The following EPN1 variants were observed in gnomAD, a reference collection of about 807,000 sequenced individuals.
The protein encoded by EPN1 is epsin-1.
Under a neutral mutation model 56.9 loss-of-function variants are expected in EPN1, and 25 were observed. The ratio of observed to expected loss-of-function variants is 0.44; its 90% CI spans 0.32 to 0.61. EPN1 has a LOEUF of 0.61. EPN1 is among the 20% of genes least tolerant of loss of function. The pLI is 0.05. For synonymous variants in EPN1, 411 were observed against 361.8 expected, an observed-to-expected ratio of 1.14 and a Z score of -1.54; for missense variants, 785 against 823.7, an observed-to-expected ratio of 0.95 and a Z score of 0.58.
intron 2 of EPN1, among the ~76,000 whole-genome samples, chr19:55,684,423 A>G (rs1986028455): frequency 6.6e-6 from 1 of 152,118 alleles, no homozygotes. Context: ...CCAGGACTTG[A>G]GCCTGAGCTA....
rs1986837962 is a variant in EPN1 at position 55,695,145 on chromosome 19, C to T, written c.1523-3C>T. ...CCGTGTCTCTGGTTTACTCTTCCTG[C>T]AGGAGGCCCAGCCACTGGCCCTTCC... On this transcript the variant is annotated splice_polypyrimidine_tract_variant and splice_region_variant and intron_variant, in intron 10 of 10. Transcript: ENST00000270460. The surrounding 1 kb of genome is among the most constrained non-coding windows in gnomAD (Gnocchi z 4.4). 1 of 1,613,730 alleles carries T rather than the reference C, an allele frequency of 6.2e-7. No individual in the cohort carries two copies. Among genetic ancestry groups the T allele is most frequent in the Non-Finnish European group, 8.5e-7 (1 of 1,179,790 alleles).
At chr19:55,688,792 CCCGTCTGTCTAGG>C in intron 3 of EPN1, 65 bp from the exon 4 acceptor site, 1 of 1,539,194 alleles carries the variant, frequency 6.5e-7, no homozygotes, top group Non-Finnish European at 8.7e-7. Flanking sequence ...CACAGAAGCC[CCCGTCTGTCTAGG>C]CTATGGGGTT....
At position 55,695,078 on chromosome 19, in the gene EPN1, C is replaced by T; in HGVS notation, c.1523-70C>T. The T allele has an allele frequency of 6.2e-7, 1 of 1,607,522 alleles. No homozygotes were observed. ...AGGGACACTTCGCCCTTTGCCTGCA[C>T]ATGCTGGATGGACACAGGTGGGCTG... On this transcript the variant is annotated intron_variant, in intron 10 of 10. Coordinates refer to ENST00000270460, the MANE Select transcript of EPN1 (RefSeq NM_001130072.2). The surrounding 1 kb of genome is among the most constrained non-coding windows in gnomAD (Gnocchi z 4.4).
At position 55,691,690 on chromosome 19, in the gene EPN1, C is replaced by G. The variant is rs951360716; in HGVS notation, c.763-64C>G. 1.3e-6 allele frequency: 2 copies of G among 1,506,512 alleles called. No individual in the cohort carries two copies. Among genetic ancestry groups the G allele is most frequent in the Admixed American group, 3.6e-5 (2 of 56,126 alleles). The allele number at this position is 1,506,512 out of a possible 1,614,324, so 93.3% of individuals were successfully genotyped here. ...CCGCCTCCCCCGCCACGGGCCCCAGCTTGGTCCCTGTCCCAGGCTTCCCAC... is the reference window on the plus strand; with the variant it reads ...CCGCCTCCCCCGCCACGGGCCCCAGGTTGGTCCCTGTCCCAGGCTTCCCAC... On this transcript the variant is annotated intron_variant, in intron 6 of 10. Transcript: ENST00000270460. The surrounding 1 kb of genome is among the most constrained non-coding windows in gnomAD (Gnocchi z 5.6).
At position 55,703,489 on chromosome 19, in the gene EPN1, A is replaced by T. The variant is rs1290472079; in HGVS notation, c.*8133A>T. The T allele has an allele frequency of 6.6e-6, 1 of 152,128 alleles. No individual in the cohort carries two copies. Among genetic ancestry groups the T allele is most frequent in the East Asian group, 1.9e-4 (1 of 5,144 alleles). 9.4% of individuals were successfully genotyped at this position (152,128 alleles called of 1,614,324 possible). A position where few individuals can be genotyped will look rare whatever the true frequency, so the allele number is the denominator to read the frequency against. On this transcript the variant is annotated 3_prime_UTR_variant, in exon 11 of 11. Coordinates refer to ENST00000270460, the MANE Select transcript of EPN1 (RefSeq NM_001130072.2). ...CAGGTGCCCGCCACCACGCCCAGCT[A>T]ATTTTTGTATTTTTAGTAGAGACGG...
Position 55,695,270 on chromosome 19 carries a change from ATC to A in EPN1, c.1650_1651del (p.Leu552TrpfsTer20). 1.2e-6 allele frequency: 2 copies of A among 1,606,572 alleles called. No homozygotes were observed. Among genetic ancestry groups the A allele is most frequent in the Non-Finnish European group, 1.7e-6 (2 of 1,177,740 alleles). ...CGTCCCTGGAGCGCCACCCACGTAC[ATC>A]TCTCCCCTTGGCGGGGGCCCTGGCC... ...PPVPGAPPTY[I>X]SPLGGGPGLP... On this transcript the variant is annotated frameshift_variant, in exon 11 of 11. Coordinates refer to ENST00000270460, the MANE Select transcript of EPN1 (RefSeq NM_001130072.2). LOFTEE classifies it high-confidence loss of function. The surrounding 1 kb of genome is among the most constrained non-coding windows in gnomAD (Gnocchi z 4.4).
At position 55,699,928 on chromosome 19, in the gene EPN1, T is replaced by G. The variant is rs1279753262; in HGVS notation, c.*4572T>G. On this transcript the variant is annotated 3_prime_UTR_variant, in exon 11 of 11. Transcript: ENST00000270460. ...TATTTATAATTTCCTAAAGCACTATTTTTTTTTTTTGAGACAGAGTCTTGC... is the reference window on the plus strand; with the variant it reads ...TATTTATAATTTCCTAAAGCACTATGTTTTTTTTTTGAGACAGAGTCTTGC... The G allele has an allele frequency of 6.7e-6, 1 of 149,598 alleles. No individual in the cohort carries two copies. The highest frequency in any genetic ancestry group is 1.5e-5 in the Non-Finnish European group (1 of 67,258). The allele number at this position is 149,598 out of a possible 1,614,324, so 9.3% of individuals were successfully genotyped here.
chr19:55,676,956 G>A (rs1377052976), intron 1 of EPN1: 1 of 577,790 alleles, frequency 1.7e-6, no homozygotes, highest in African/African-American at 1.9e-5. Flanking sequence ...CTCTGCATTT[G>A]TTACATCATC....
At position 55,687,982 on chromosome 19, in the gene EPN1, C is replaced by T. The variant is rs1986278178; in HGVS notation, c.479-888C>T. Among the ~76,000 whole-genome samples, 4 of 152,160 alleles carry T rather than the reference C, an allele frequency of 2.6e-5. No homozygotes were observed. The South Asian group carries it at 6.2e-4, about 24-fold the overall frequency. On this transcript the variant is annotated intron_variant, in intron 3 of 10. Coordinates refer to ENST00000270460, the MANE Select transcript of EPN1 (RefSeq NM_001130072.2). ...GCCTGGGGAGTGGGTTGGGTGGGGACACAAGTACAGGACACAGGTGCAAGG... is the reference window on the plus strand; with the variant it reads ...GCCTGGGGAGTGGGTTGGGTGGGGATACAAGTACAGGACACAGGTGCAAGG...
rs1600113427 is a variant in EPN1, at chr19:55,698,102, T to G, written c.*2746T>G. The stretch of plus-strand genomic sequence containing the variant: ...GAGGTCACCTGGGGATGGTGGAGGC[T>G]GAAGAAGCCTATCAGATGTGAGGGT... On this transcript the variant is annotated 3_prime_UTR_variant, in exon 11 of 11. Coordinates refer to ENST00000270460, the MANE Select transcript of EPN1 (RefSeq NM_001130072.2). 8.3e-6 allele frequency: 1 copy of G among 120,992 alleles called. No homozygotes were observed. Among genetic ancestry groups the G allele is most frequent in the East Asian group, 2.2e-4 (1 of 4,458 alleles). 7.5% of individuals were successfully genotyped at this position (120,992 alleles called of 1,614,324 possible).
rs1255531473 is a variant in EPN1, at chr19:55,686,760, C to T, written c.478+1115C>T. On this transcript the variant is annotated intron_variant, in intron 3 of 10. Transcript: ENST00000270460. ...TGGGAGTGCTCAGAGCCAGGGACAA[C>T]AGGAGGGAGTGTAGGCGGCAGAGAG... Among the ~76,000 whole-genome samples, 6 of 151,950 alleles carry T rather than the reference C, an allele frequency of 3.9e-5. No individual in the cohort carries two copies. The East Asian group carries it at 1.2e-3, about 29-fold the overall frequency.
chr19:55,690,033 G>A, intron 6 of EPN1, 83 bp downstream of exon 6: 1 of 1,324,524 alleles, frequency 7.5e-7, no homozygotes, highest in Non-Finnish European at 1.0e-6. Flanking sequence ...CCAGGTCCCT[G>A]GAGCAGAGAC....
rs1986544968 is a variant in EPN1, at chr19:55,691,529, G to GTA, written c.763-224_763-223dup. The stretch of plus-strand genomic sequence containing the variant: ...GGGGCTGTGTTGGGGCTCCCTGGTG[G>GTA]TACCCTCGGGTGGGGTAGGTGGGCA... On this transcript the variant is annotated intron_variant, in intron 6 of 10. Coordinates refer to ENST00000270460, the MANE Select transcript of EPN1 (RefSeq NM_001130072.2). The surrounding 1 kb of genome is among the most constrained non-coding windows in gnomAD (Gnocchi z 5.6). Among the ~76,000 whole-genome samples, 1 of 151,538 alleles carries GTA rather than the reference G, an allele frequency of 6.6e-6. No homozygotes were observed.
Position 55,704,228 on chromosome 19 carries a change from C to T in EPN1, c.*8872C>T, listed in dbSNP as rs907839791. On this transcript the variant is annotated 3_prime_UTR_variant, in exon 11 of 11. Coordinates refer to ENST00000270460, the MANE Select transcript of EPN1 (RefSeq NM_001130072.2). ...GCCCCCCGTTGGAGTGGCCCATCCT[C>T]TCCGCTTAGACACCTGCAGTCACTG... 4 of 152,876 alleles carry T rather than the reference C, an allele frequency of 2.6e-5. No individual in the cohort carries two copies. The highest frequency in any genetic ancestry group is 7.2e-5 in the African/African-American group (3 of 41,472). 9.5% of individuals were successfully genotyped at this position (152,876 alleles called of 1,614,324 possible).
In EPN1 at chr19:55,698,758, T is replaced by G. The variant is rs7256441; in HGVS notation, c.*3402T>G. 1 of 149,570 alleles carries G rather than the reference T, an allele frequency of 6.7e-6. No individual in the cohort carries two copies. Among genetic ancestry groups the G allele is most frequent in the Non-Finnish European group, 1.5e-5 (1 of 66,490 alleles). The allele number at this position is 149,570 out of a possible 1,614,324, so 9.3% of individuals were successfully genotyped here. On this transcript the variant is annotated 3_prime_UTR_variant, in exon 11 of 11. Coordinates refer to ENST00000270460, the MANE Select transcript of EPN1 (RefSeq NM_001130072.2). ...GAATAGGAAGAAATGCCCTTTTTTT[T>G]CCCCCCTAGAAGGAGTCTTGCTCTG... is the stretch of plus-strand genomic sequence containing the variant.
intron 2 of EPN1, among the ~76,000 whole-genome samples, 175 bp downstream of exon 2, chr19:55,679,030 G>T (rs954948798): frequency 4.6e-5 from 7 of 152,252 alleles, no homozygotes; most frequent in Non-Finnish European, 8.8e-5. Flanking sequence ...GAAGTTTGGA[G>T]CCTTGTGGTT....
rs1987553141 is a variant in EPN1 at position 55,708,739 on chromosome 19, A to G, written c.*13383A>G. ...ATATAGGACCGAGGCAAAGACAATC[A>G]GCATGTACACTGAATCACACTCCAT... On this transcript the variant is annotated 3_prime_UTR_variant, in exon 11 of 11. Transcript: ENST00000270460. The G allele has an allele frequency of 4.2e-6, 2 of 480,208 alleles. No homozygotes were observed. Among genetic ancestry groups the G allele is most frequent in the Non-Finnish European group, 7.4e-6 (2 of 270,078 alleles). 29.7% of individuals were successfully genotyped at this position (480,208 alleles called of 1,614,324 possible). A position where few individuals can be genotyped will look rare whatever the true frequency, so the allele number is the denominator to read the frequency against.
chr19:55,684,456 T>TC (rs1462726522), intron 2 of EPN1, among the ~76,000 whole-genome samples: 4 of 152,038 alleles, frequency 2.6e-5, no homozygotes, highest in African/African-American at 9.7e-5. Flanking sequence ...GAGACCTTGG[T>TC]CCCCCCGCCC....
intron 3 of EPN1, among the ~76,000 whole-genome samples, chr19:55,688,184 G>T (rs1025288010): frequency 1.3e-5 from 2 of 152,174 alleles, no homozygotes; most frequent in African/African-American, 4.8e-5. Flanking sequence ...GGGGGCAAGG[G>T]TCCACAGGCC....
Sources: allele counts gnomAD v4.1 joint callset (sites outside exome capture counted in the v4.1 genomes callset), GRCh38; gene constraint gnomAD v4.1.1; non-coding constraint Gnocchi (gnomAD v3.1); transcripts MANE v1.5; gene names NCBI Gene and HGNC (gene_info 2026-07-23, HGNC 2026-07-21).